MYO5A: variants seen among roughly 807,000 people sequenced by gnomAD.
The protein encoded by MYO5A is unconventional myosin-Va.
Under a neutral mutation model 249.7 loss-of-function variants are expected in MYO5A, and 98 were observed. The ratio of observed to expected loss-of-function variants is 0.39; its 90% CI spans 0.33 to 0.46. MYO5A has a LOEUF of 0.46. MYO5A is among the 20% of genes least tolerant of loss of function. The pLI, the probability that MYO5A is intolerant of heterozygous loss-of-function variation, is 0.98. For synonymous variants in MYO5A, 778 were observed against 810.6 expected, an observed-to-expected ratio of 0.96 and a Z score of 0.68; for missense variants, 1,696 against 2,308.8, an observed-to-expected ratio of 0.73 and a Z score of 5.44.
chr15:52,503,264 T>C (rs1194482502), intron 1 of MYO5A, among the ~76,000 whole-genome samples: 15 of 152,170 alleles, frequency 9.9e-5, no homozygotes, highest in Non-Finnish European at 4.4e-5. Context: ...TCTTTATAAA[T>C]TATATCAATG....
intron 1 of MYO5A, chr15:52,505,642 G>A (rs1431968283): frequency 3.3e-5 from 44 of 1,317,600 alleles, no homozygotes; most frequent in Non-Finnish European, 4.7e-5. Flanking sequence ...TTGGGATGAT[G>A]AGACAGATAT....
At chr15:52,447,397 C>G (rs1415392521) in intron 1 of MYO5A, among the ~76,000 whole-genome samples, 1 of 152,164 alleles carries the variant, frequency 6.6e-6, no homozygotes, top group East Asian at 1.9e-4. Context: ...TCTGTACATC[C>G]TGCAGAACCA....
chr15:52,448,953 C>CTTTT (rs1567136629), intron 1 of MYO5A, among the ~76,000 whole-genome samples: 6 of 61,870 alleles, frequency 9.7e-5, no homozygotes, highest in East Asian at 4.5e-4. Context: ...CTTTTCTTGT[C>CTTTT]TTTCTTTTTT....
Position 52,479,512 on chromosome 15 carries a change from C to A in MYO5A, c.28-46227G>T, listed in dbSNP as rs148252330. On this transcript the variant is annotated intron_variant, in intron 1 of 41. Coordinates refer to ENST00000399233, the MANE Select transcript of MYO5A (RefSeq NM_001382347.1). ...GTAAGTGGACCCATGCAGTTCAAATCCAGGTTGTTCACAGGTCAACTGCAT... is the reference window on the plus strand; with the variant it reads ...GTAAGTGGACCCATGCAGTTCAAATACAGGTTGTTCACAGGTCAACTGCAT... Among the ~76,000 whole-genome samples, 69 of 151,888 alleles carry A rather than the reference C, an allele frequency of 4.5e-4. 1 individual carries two copies. In the East Asian group the frequency reaches 7.2e-3, roughly 16 times the overall value.
rs1446992348 is a variant in MYO5A, at chr15:52,319,127, C to T, written c.5167G>A (p.Ala1723Thr). The stretch of plus-strand genomic sequence containing the variant: ...AGGAGAAGGTTGTTCAGGGTGATGG[C>T]CCCTATGATGTAGAACATCTGCTTG... The part of the protein sequence containing the change: ...VVKQMFYIIG[A>T]ITLNNLLLRK... Residue 1723 changes from alanine (A) to threonine (T), a missense_variant, in exon 39 of 42, where the codon GCC becomes ACC. Transcript: ENST00000399233. 7 of 1,614,054 alleles carry T rather than the reference C, an allele frequency of 4.3e-6. No individual in the cohort carries two copies. Among genetic ancestry groups the T allele is most frequent in the Non-Finnish European group, 5.9e-6 (7 of 1,180,034 alleles).
rs143996806 is a variant in MYO5A at position 52,324,276 on chromosome 15, G to T, written c.4711-832C>A. On this transcript the variant is annotated intron_variant, in intron 36 of 41. Transcript: ENST00000399233. Reference sequence around the variant, plus strand: ...AGCTGGGCAGTACAGTCAGGGGAAAGCTGGTTGGCTCTTCACCAGGACTGG... The same window carrying T: ...AGCTGGGCAGTACAGTCAGGGGAAATCTGGTTGGCTCTTCACCAGGACTGG... 5.5e-3 allele frequency among the ~76,000 whole-genome samples: 832 copies of T among 152,252 alleles called. 9 individuals are homozygous for T. The highest frequency in any genetic ancestry group is 0.019 in the African/African-American group (799 of 41,532).
intron 24 of MYO5A, 123 bp downstream of exon 24, chr15:52,364,431 T>C: frequency 2.3e-6 from 2 of 887,320 alleles, no homozygotes; most frequent in East Asian, 2.7e-5. Flanking sequence ...TGAATATGTG[T>C]TGAACATTCT....
At chr15:52,381,394 G>T (rs569274480) in intron 16 of MYO5A, among the ~76,000 whole-genome samples, 2 of 152,262 alleles carry the variant, frequency 1.3e-5, no homozygotes, top group South Asian at 2.1e-4. Flanking sequence ...ACTGGCACGG[G>T]GGTAGGGAAA....
chr15:52,354,033 A>C lies in MYO5A; in HGVS notation c.3424-19T>G, dbSNP rs1567045689. 1 of 1,614,108 alleles carries C rather than the reference A, an allele frequency of 6.2e-7. No homozygotes were observed. Among genetic ancestry groups the C allele is most frequent in the Admixed American group, 1.7e-5 (1 of 60,038 alleles). ...TTGGTTCCTAAACCCCAGGAATCAC[A>C]AAGATGGTCAAGACAAGCCAGAAGA... On this transcript the variant is annotated intron_variant, in intron 25 of 41. Coordinates refer to ENST00000399233, the MANE Select transcript of MYO5A (RefSeq NM_001382347.1).
intron 23 of MYO5A, 44 bp downstream of exon 23, chr15:52,366,987 T>G: frequency 7.1e-7 from 1 of 1,417,652 alleles, no homozygotes; most frequent in Non-Finnish European, 1.0e-6. Flanking sequence ...TTACATAACT[T>G]TGGTGTGAGG....
chr15:52,353,618 T>C lies in MYO5A; in HGVS notation c.3608A>G (p.Tyr1203Cys), dbSNP rs769096025. ...ACTCCCCATTACCTTGAGTGACTCATATTCCAGTTCTGCACCTCTAATTTG... is the reference window on the plus strand; with the variant it reads ...ACTCCCCATTACCTTGAGTGACTCACATTCCAGTTCTGCACCTCTAATTTG... The part of the protein sequence containing the change: ...RPQIRGAELE[Y>C]ESLKRQELES... The change falls in exon 27 of 42, where the codon TAT becomes TGT. Residue 1203 changes from tyrosine (Y) to cysteine (C), a missense_variant. Physicochemically the swap from Tyr to Cys is radical, Grantham distance 194 (BLOSUM62 -2). Transcript: ENST00000399233. 5.6e-6 allele frequency: 9 copies of C among 1,613,986 alleles called. No individual in the cohort carries two copies. The highest frequency in any genetic ancestry group is 7.6e-6 in the Non-Finnish European group (9 of 1,179,908).
At chr15:52,430,077 A>G (rs1406279234) in intron 2 of MYO5A, among the ~76,000 whole-genome samples, 1 of 152,248 alleles carries the variant, frequency 6.6e-6, no homozygotes, top group African/African-American at 2.4e-5. Flanking sequence ...GTAATACTAA[A>G]AATATATACA....
intron 1 of MYO5A, among the ~76,000 whole-genome samples, chr15:52,468,223 G>C (rs2076390077): frequency 1.3e-5 from 2 of 152,092 alleles, no homozygotes; most frequent in African/African-American, 4.8e-5. Context: ...GATCACCCGA[G>C]CTGGGAAGGC....
chr15:52,500,578 C>T (rs1049304979), intron 1 of MYO5A, among the ~76,000 whole-genome samples: 13 of 152,208 alleles, frequency 8.5e-5, no homozygotes, highest in African/African-American at 2.6e-4. Context: ...AAACTCCTGA[C>T]CTCAGGTGAT....
intron 1 of MYO5A, among the ~76,000 whole-genome samples, chr15:52,500,179 G>GTT (rs767795880): frequency 6.2e-4 from 94 of 151,914 alleles, no homozygotes; most frequent in African/African-American, 2.1e-3. Context: ...TTCAACATTT[G>GTT]TATTTTTTTG....
chr15:52,417,991 T>C (rs1042514514), intron 4 of MYO5A, among the ~76,000 whole-genome samples: 10 of 152,072 alleles, frequency 6.6e-5, no homozygotes, highest in Admixed American at 2.6e-4. Context: ...GAAGAAGAGG[T>C]TATCAGGGAA....
At chr15:52,389,081 G>C (rs1190245655) in intron 13 of MYO5A, among the ~76,000 whole-genome samples, 157 bp downstream of exon 13, 1 of 151,948 alleles carries the variant, frequency 6.6e-6, no homozygotes, top group Admixed American at 6.6e-5. Context: ...TTAGGTTAAA[G>C]GAAGAGAAAA....
chr15:52,400,783 G>A (rs745759719), intron 9 of MYO5A, among the ~76,000 whole-genome samples: 4 of 152,144 alleles, frequency 2.6e-5, no homozygotes, highest in Admixed American at 6.5e-5. Context: ...GTGATCACTT[G>A]GTTAAGGGAA....
rs1343400784 is a variant in MYO5A, at chr15:52,370,342, G to A, written c.2893C>T (p.Arg965Ter). The A allele has an allele frequency of 6.2e-7, 1 of 1,613,952 alleles. No homozygotes were observed. Residue 965 changes from arginine (R) to a stop codon, truncating the protein, a stop_gained, in exon 22 of 42, where the codon CGA becomes TGA. Coordinates refer to ENST00000399233, the MANE Select transcript of MYO5A (RefSeq NM_001382347.1). LOFTEE classifies it high-confidence loss of function. ...GIYNSETEKL[R>*]SDLERLQLSE... ...AGTTGAAGACGTTCTAAGTCACTTC[G>A]TAGTTTCTCAGTCTCAGAGTTGTAT...
Sources: gnomAD v4.1 joint callset for allele counts (sites outside exome capture counted in the v4.1 genomes callset) on GRCh38, gnomAD v4.1.1 for gene constraint, MANE v1.5 for transcripts, NCBI Gene and HGNC (gene_info 2026-07-23, HGNC 2026-07-21) for gene names.